The following CHN1 variants were observed in gnomAD, a reference collection of about 807,000 sequenced individuals.
CHN1 encodes N-chimaerin.
CHN1 carries 37 observed loss-of-function variants against 59.5 expected under a neutral mutation model. That is an observed-to-expected ratio of 0.62 (90% CI 0.48 to 0.82). The LOEUF (loss-of-function observed/expected upper bound fraction) is 0.82, where lower values mean the gene tolerates loss of function less well. Ranked by LOEUF, CHN1 falls within the 40% of genes least tolerant of loss-of-function variation. The pLI, the probability that CHN1 is intolerant of heterozygous loss-of-function variation, is 0.00. For synonymous variants in CHN1, 206 were observed against 200.4 expected (o/e 1.03, Z -0.24); for missense variants, 469 against 571.0 (o/e 0.82, Z 1.82).
At chr2:174,911,087 G>A (rs373214713) in intron 5 of CHN1, among the ~76,000 whole-genome samples, 1 of 151,990 alleles carries the variant, frequency 6.6e-6, no homozygotes, top group Non-Finnish European at 1.5e-5. Flanking sequence ...CAACGAATGG[G>A]TCTAACAGCA....
intron 1 of CHN1, among the ~76,000 whole-genome samples, chr2:174,969,114 T>G (rs574407312): frequency 6.6e-6 from 1 of 152,266 alleles, no homozygotes; most frequent in South Asian, 2.1e-4. Flanking sequence ...CACAAATCTG[T>G]CCCAAGGGTT....
chr2:174,919,931 C>T (rs894330732), intron 3 of CHN1, among the ~76,000 whole-genome samples: 7 of 152,096 alleles, frequency 4.6e-5, no homozygotes, highest in African/African-American at 9.7e-5. Flanking sequence ...CCTGAATTCC[C>T]ACCCCAACCA....
At chr2:174,945,388 T>A (rs908922711) in intron 2 of CHN1, 1 of 156,888 alleles carries the variant, frequency 6.4e-6, no homozygotes, top group Non-Finnish European at 1.4e-5. Flanking sequence ...ATTGCAAACA[T>A]CTATCTTCAA....
chr2:174,877,583 C>A (rs1220662930), intron 6 of CHN1, among the ~76,000 whole-genome samples: 2 of 152,088 alleles, frequency 1.3e-5, no homozygotes, highest in Non-Finnish European at 2.9e-5. Flanking sequence ...TTATTAGGGG[C>A]CATTTTTCCA....
At position 174,815,218 on chromosome 2, in the gene CHN1, A is replaced by G. The variant is rs140820158; in HGVS notation, c.713-2736T>C. The stretch of plus-strand genomic sequence containing the variant: ...ATAGTGAGACCCTGCCTCTACAAAA[A>G]TTTTTAAAAATTGGTGGTTGTGGTG... On this transcript the variant is annotated intron_variant, in intron 8 of 12. Coordinates refer to ENST00000409900, the MANE Select transcript of CHN1 (RefSeq NM_001822.7). Among the ~76,000 whole-genome samples the G allele has an allele frequency of 2.4e-4, 36 of 152,166 alleles. 1 individual carries two copies. The South Asian group carries it at 6.6e-3, about 28-fold the overall frequency.
chr2:175,001,377 G>GA (rs1691884489), intron 1 of CHN1, among the ~76,000 whole-genome samples: 1 of 152,218 alleles, frequency 6.6e-6, no homozygotes, highest in Non-Finnish European at 1.5e-5. Context: ...TGGGAAATCA[G>GA]AAAATTTCCT....
chr2:174,972,851 T>C (rs537411086), intron 1 of CHN1, among the ~76,000 whole-genome samples: 28 of 152,324 alleles, frequency 1.8e-4, no homozygotes, highest in Admixed American at 7.2e-4. Context: ...AACCCCTTAG[T>C]ATGCATAATA....
intron 5 of CHN1, among the ~76,000 whole-genome samples, chr2:174,881,631 C>T (rs150989020): frequency 3.3e-5 from 5 of 152,266 alleles, no homozygotes; most frequent in African/African-American, 1.2e-4. Flanking sequence ...TAAAGTAAAA[C>T]AGCAAAAATA....
At chr2:174,906,979 C>T (rs893028374) in intron 5 of CHN1, among the ~76,000 whole-genome samples, 3 of 152,036 alleles carry the variant, frequency 2.0e-5, no homozygotes, top group Non-Finnish European at 4.4e-5. Context: ...GATTTTCTTC[C>T]GTCTTTTCCT....
chr2:174,986,627 A>G (rs1691351349), intron 1 of CHN1, among the ~76,000 whole-genome samples: 2 of 152,186 alleles, frequency 1.3e-5, no homozygotes. Flanking sequence ...AGACAGTAAG[A>G]CCAACCAACC....
At chr2:174,960,719 G>A (rs1316166716) in intron 1 of CHN1, among the ~76,000 whole-genome samples, 1 of 152,096 alleles carries the variant, frequency 6.6e-6, no homozygotes, top group Admixed American at 6.5e-5. Flanking sequence ...CTACTCGGGA[G>A]GCTGAGGTAG....
intron 5 of CHN1, among the ~76,000 whole-genome samples, chr2:174,912,133 G>A (rs543380547): frequency 6.1e-4 from 92 of 152,008 alleles, no homozygotes; most frequent in Admixed American, 1.3e-3. Flanking sequence ...TAAAAAATAC[G>A]AAATATGAAA....
intron 1 of CHN1, among the ~76,000 whole-genome samples, chr2:174,999,847 A>C (rs774887699): frequency 6.6e-6 from 1 of 152,220 alleles, no homozygotes; most frequent in Non-Finnish European, 1.5e-5. Context: ...ATCTAAAAGA[A>C]ACTAAAATCT....
intron 1 of CHN1, among the ~76,000 whole-genome samples, chr2:174,976,874 T>C (rs1470470315): frequency 6.6e-6 from 1 of 152,226 alleles, no homozygotes; most frequent in African/African-American, 2.4e-5. Flanking sequence ...GTCCACTAAA[T>C]AACCGCATCA....
intron 1 of CHN1, among the ~76,000 whole-genome samples, chr2:174,997,780 C>T (rs1056003716): frequency 1.3e-5 from 2 of 152,048 alleles, no homozygotes; most frequent in Non-Finnish European, 2.9e-5. Flanking sequence ...GTCTGTAATC[C>T]CAGCACTTTG....
At chr2:174,800,873 A>G (rs1044119003) in intron 12 of CHN1, among the ~76,000 whole-genome samples, 3 of 152,268 alleles carry the variant, frequency 2.0e-5, no homozygotes, top group Non-Finnish European at 4.4e-5. Context: ...CCCAACAGGA[A>G]GCAATCCTGA....
At chr2:175,002,605 C>T (rs1290984414) in intron 1 of CHN1, among the ~76,000 whole-genome samples, 1 of 152,142 alleles carries the variant, frequency 6.6e-6, no homozygotes, top group African/African-American at 2.4e-5. Flanking sequence ...AAATGTAAAA[C>T]ACAAAGCAAA....
intron 1 of CHN1, among the ~76,000 whole-genome samples, chr2:174,988,399 T>C (rs1574247884): frequency 1.3e-5 from 2 of 149,386 alleles, no homozygotes; most frequent in Non-Finnish European, 3.0e-5. Context: ...GAAAAATAGG[T>C]GAACATTTTG....
Position 175,004,889 on chromosome 2 carries a change from C to T in CHN1, c.19+5G>A. ...GCGGCGGCGCGGGGAGACGGCTGCACTTACCAAACAGGGTCAGGGCCATTG... is the reference window on the plus strand; with the variant it reads ...GCGGCGGCGCGGGGAGACGGCTGCATTTACCAAACAGGGTCAGGGCCATTG... On this transcript the variant is annotated splice_donor_5th_base_variant and intron_variant, in intron 1 of 12. Coordinates refer to ENST00000409900, the MANE Select transcript of CHN1 (RefSeq NM_001822.7). The T allele has an allele frequency of 6.6e-7, 1 of 1,510,242 alleles. No homozygotes were observed. Among genetic ancestry groups the T allele is most frequent in the Non-Finnish European group, 8.8e-7 (1 of 1,131,534 alleles). The allele number at this position is 1,510,242 out of a possible 1,614,324, so 93.6% of individuals were successfully genotyped here. A position where few individuals can be genotyped will look rare whatever the true frequency, so the allele number is the denominator to read the frequency against.
Sources: allele counts gnomAD v4.1 joint callset (sites outside exome capture counted in the v4.1 genomes callset), GRCh38; gene constraint gnomAD v4.1.1; transcripts MANE v1.5; gene names NCBI Gene and HGNC (gene_info 2026-07-23, HGNC 2026-07-21).